Variants in SLC39A10 observed in about 807,000 individuals in gnomAD.
SLC39A10 encodes the protein zinc transporter ZIP10.
In SLC39A10, 13 loss-of-function variants were observed where a neutral mutation model predicts 65.1. The observed-to-expected ratio is 0.20, with a 90% CI of 0.13 to 0.32. The LOEUF is 0.32. Ranked by LOEUF, SLC39A10 falls within the 10% of genes least tolerant of loss-of-function variation. SLC39A10 has a pLI of 1.00. For missense variants in SLC39A10, 831 were observed against 1,018.4 expected (o/e 0.82, Z 2.50); for synonymous variants, 321 against 342.2 (o/e 0.94, Z 0.68).
Position 195,657,295 on chromosome 2 carries a change from C to T in SLC39A10, c.-12+14C>T, listed in dbSNP as rs992394460. Reference sequence around the variant, plus strand: ...CTCGAGTGTGAGGTAACTATAAAACCCCGATTTGTTTACATTCCCTCCCCC... The same window carrying T: ...CTCGAGTGTGAGGTAACTATAAAACTCCGATTTGTTTACATTCCCTCCCCC... On this transcript the variant is annotated intron_variant, in intron 1 of 9. Coordinates refer to ENST00000359634, the MANE Select transcript of SLC39A10 (RefSeq NM_020342.3). 1 of 765,042 alleles carries T rather than the reference C, an allele frequency of 1.3e-6. No individual in the cohort carries two copies. Among genetic ancestry groups the T allele is most frequent in the African/African-American group, 1.9e-5 (1 of 52,988 alleles). The allele number at this position is 765,042 out of a possible 1,614,324, so 47.4% of individuals were successfully genotyped here.
At chr2:195,678,426 G>T (rs940447477) in intron 1 of SLC39A10, among the ~76,000 whole-genome samples, 1 of 152,016 alleles carries the variant, frequency 6.6e-6, no homozygotes, top group Non-Finnish European at 1.5e-5. Context: ...TGAAGTGCTT[G>T]TTCAAGTTAC....
rs191268908 is a variant in SLC39A10 at position 195,647,640 on chromosome 2, A to G, written c.-11-32392A>G. On this transcript the variant is annotated intron_variant, in intron 2 of 2. Coordinates refer to the SLC39A10 transcript ENST00000458054. ...TTTGCTACCGTTGCAAGCTATACCT[A>G]TATCTAACATAGCACTTGCCATGCG... Among the ~76,000 whole-genome samples the G allele has an allele frequency of 3.6e-3, 546 of 151,876 alleles. 5 individuals carry two copies. Among genetic ancestry groups the G allele is most frequent in the African/African-American group, 0.012 (514 of 41,394 alleles).
At chr2:195,617,235 T>G (rs1360012724) in intron 2 of SLC39A10, among the ~76,000 whole-genome samples, 2 of 152,184 alleles carry the variant, frequency 1.3e-5, no homozygotes, top group Non-Finnish European at 2.9e-5. Flanking sequence ...CATGCCCATT[T>G]GCTGTCCAAA....
At chr2:195,625,004 G>A (rs369887130) in intron 2 of SLC39A10, among the ~76,000 whole-genome samples, 28 of 150,532 alleles carry the variant, frequency 1.9e-4, no homozygotes, top group African/African-American at 6.8e-4. Context: ...ATCATCTGAC[G>A]TCAGGAGTTC....
At chr2:195,661,472 T>C (rs1202109387) in intron 1 of SLC39A10, among the ~76,000 whole-genome samples, 1 of 152,204 alleles carries the variant, frequency 6.6e-6, no homozygotes, top group Non-Finnish European at 1.5e-5. Context: ...ACTCTTGGGC[T>C]CAGGCAATCC....
At chr2:195,634,763 T>C (rs1463561121) in intron 2 of SLC39A10, among the ~76,000 whole-genome samples, 1 of 152,172 alleles carries the variant, frequency 6.6e-6, no homozygotes, top group Non-Finnish European at 1.5e-5. Context: ...AACATTGACC[T>C]CAGGCCAGGT....
At chr2:195,660,296 T>A (rs1176946762) in intron 1 of SLC39A10, among the ~76,000 whole-genome samples, 1 of 152,208 alleles carries the variant, frequency 6.6e-6, no homozygotes, top group East Asian at 1.9e-4. Context: ...CCAGTCATAG[T>A]TGCAAAAGAA....
intron 2 of SLC39A10, among the ~76,000 whole-genome samples, chr2:195,646,249 CTTT>C (rs769179749): frequency 3.3e-4 from 50 of 152,226 alleles, no homozygotes; most frequent in Non-Finnish European, 1.0e-4. Context: ...CTCAACAATT[CTTT>C]TTATTTTATT....
intron 2 of SLC39A10, among the ~76,000 whole-genome samples, chr2:195,636,034 T>A (rs974728568): frequency 4.1e-4 from 62 of 152,282 alleles, no homozygotes; most frequent in Admixed American, 7.2e-4. Context: ...GAGTACAAAA[T>A]TTCACTTATA....
Position 195,728,120 on chromosome 2 carries a change from C to G in SLC39A10, c.2147-39C>G. 6.5e-7 allele frequency: 1 copy of G among 1,544,244 alleles called. No homozygotes were observed. Among genetic ancestry groups the G allele is most frequent in the South Asian group, 1.2e-5 (1 of 80,432 alleles). ...TCCTTTCAGATTTGTGTTTTAAATCCTGTGGTTTTAAAACATTCCCATTGT... is the reference window on the plus strand; with the variant it reads ...TCCTTTCAGATTTGTGTTTTAAATCGTGTGGTTTTAAAACATTCCCATTGT... On this transcript the variant is annotated intron_variant, in intron 8 of 9. Transcript: ENST00000359634. The surrounding 1 kb of genome is among the most constrained non-coding windows in gnomAD (Gnocchi z 4.4).
At chr2:195,698,614 A>G (rs1279643117) in intron 3 of SLC39A10, among the ~76,000 whole-genome samples, 1 of 151,486 alleles carries the variant, frequency 6.6e-6, no homozygotes, top group Admixed American at 6.6e-5. Flanking sequence ...ATACATATGG[A>G]TTTTTATATA....
chr2:195,673,402 C>T (rs1306119773), intron 1 of SLC39A10, among the ~76,000 whole-genome samples: 2 of 152,176 alleles, frequency 1.3e-5, no homozygotes, highest in African/African-American at 4.8e-5. Flanking sequence ...TCAAGATCCG[C>T]CAACCTCTGC....
At chr2:195,644,721 C>T (rs925715138) in intron 2 of SLC39A10, among the ~76,000 whole-genome samples, 1 of 151,596 alleles carries the variant, frequency 6.6e-6, no homozygotes, top group Admixed American at 6.6e-5. Context: ...GGAAGGATCA[C>T]TTGACCCCAG....
chr2:195,702,826 T>C (rs971218644), intron 3 of SLC39A10, among the ~76,000 whole-genome samples: 2 of 152,348 alleles, frequency 1.3e-5, no homozygotes, highest in East Asian at 3.9e-4. Flanking sequence ...GTCAGAATTG[T>C]GTTAGGTCAA....
intron 4 of SLC39A10, among the ~76,000 whole-genome samples, chr2:195,707,367 T>C (rs1691444314): frequency 6.6e-6 from 1 of 152,230 alleles, no homozygotes. Context: ...TAGATAGCTG[T>C]CTATCACCAG....
At chr2:195,691,022 G>C (rs1354212284) in intron 3 of SLC39A10, among the ~76,000 whole-genome samples, 1 of 151,968 alleles carries the variant, frequency 6.6e-6, no homozygotes, top group Non-Finnish European at 1.5e-5. Context: ...TTTCCGCTGA[G>C]TCCCCGAAGT....
At chr2:195,651,306 AG>A (rs1447303023) in intron 2 of SLC39A10, among the ~76,000 whole-genome samples, 2 of 152,194 alleles carry the variant, frequency 1.3e-5, no homozygotes, top group Non-Finnish European at 2.9e-5. Flanking sequence ...ACAGTGCCAC[AG>A]GTCTCGAATA....
intron 3 of SLC39A10, among the ~76,000 whole-genome samples, chr2:195,704,562 C>T (rs1384162380): frequency 6.6e-6 from 1 of 152,168 alleles, no homozygotes; most frequent in Non-Finnish European, 1.5e-5. Context: ...CCTATGACTA[C>T]TTCTGACTTA....
chr2:195,731,711 T>C (rs929440613), intron 9 of SLC39A10, among the ~76,000 whole-genome samples: 13 of 152,154 alleles, frequency 8.5e-5, no homozygotes, highest in African/African-American at 2.9e-4. Context: ...TTTGTGGAAC[T>C]ACAGAGAGGC....
Sources: allele counts gnomAD v4.1 joint callset (sites outside exome capture counted in the v4.1 genomes callset), GRCh38; gene constraint gnomAD v4.1.1; non-coding constraint Gnocchi (gnomAD v3.1); transcripts MANE v1.5; gene names NCBI Gene and HGNC (gene_info 2026-07-23, HGNC 2026-07-21).